The following CCDC178 variants were observed in gnomAD, a reference collection of about 807,000 sequenced individuals.
CCDC178 encodes the protein coiled-coil domain containing 178.
Under a neutral mutation model 117.4 loss-of-function variants are expected in CCDC178, and 126 were observed. The observed-to-expected ratio is 1.07, with a 90% confidence interval of 0.93 to 1.24. The LOEUF (loss-of-function observed/expected upper bound fraction) is 1.24. Ranked by LOEUF, CCDC178 falls within the 50% of genes most tolerant of loss-of-function variation. The pLI is 0.00. For missense variants in CCDC178, 1,030 were observed against 986.9 expected, an observed-to-expected ratio of 1.04 and a Z score of -0.59; for synonymous variants, 283 against 313.4, an observed-to-expected ratio of 0.90 and a Z score of 1.02.
intron 14 of CCDC178, among the ~76,000 whole-genome samples, chr18:33,254,251 AACAC>A (rs34689445): frequency 0.18 from 23,654 of 135,098 alleles, 2,003 homozygotes; most frequent in East Asian, 0.39. Flanking sequence ...TCTATTGAGA[AACAC>A]ACACACACAC....
intron 20 of CCDC178, among the ~76,000 whole-genome samples, chr18:33,200,508 C>T (rs1437588346): frequency 6.6e-6 from 1 of 152,216 alleles, no homozygotes; most frequent in Non-Finnish European, 1.5e-5. Context: ...GCCTTCATGA[C>T]ATGGTTCTTA....
intron 21 of CCDC178, among the ~76,000 whole-genome samples, chr18:33,003,700 G>T (rs1225198821): frequency 6.6e-6 from 1 of 152,018 alleles, no homozygotes; most frequent in Non-Finnish European, 1.5e-5. Context: ...AGACGAGAAA[G>T]AAATAAAGGG....
chr18:33,075,756 G>A (rs577180763), intron 21 of CCDC178, among the ~76,000 whole-genome samples: 62 of 152,108 alleles, frequency 4.1e-4, no homozygotes, highest in Middle Eastern at 3.4e-3. Flanking sequence ...ATCACTTGAG[G>A]TCAGGAGTTC....
chr18:33,171,285 C>T (rs1415389142), intron 20 of CCDC178, among the ~76,000 whole-genome samples: 2 of 152,170 alleles, frequency 1.3e-5, no homozygotes, highest in African/African-American at 2.4e-5. Context: ...TGAGATCAAA[C>T]AAACAGAAGG....
intron 15 of CCDC178, among the ~76,000 whole-genome samples, chr18:33,232,438 A>G (rs1431120182): frequency 2.0e-5 from 3 of 152,360 alleles, no homozygotes; most frequent in East Asian, 3.9e-4. Flanking sequence ...AATTTATGTT[A>G]TGTAAGGTTT....
At chr18:33,243,859 T>C (rs940558097) in intron 15 of CCDC178, among the ~76,000 whole-genome samples, 2 of 151,932 alleles carry the variant, frequency 1.3e-5, no homozygotes, top group African/African-American at 4.8e-5. Context: ...GATATCTTCA[T>C]TGATATCCTC....
intron 11 of CCDC178, among the ~76,000 whole-genome samples, chr18:33,316,607 G>A (rs1193236967): frequency 2.0e-5 from 3 of 152,150 alleles, no homozygotes; most frequent in Non-Finnish European, 4.4e-5. Flanking sequence ...ACTGGGTGAA[G>A]CCAGCTGGGC....
intron 11 of CCDC178, among the ~76,000 whole-genome samples, chr18:33,310,024 A>G (rs1428996390): frequency 6.6e-6 from 1 of 151,006 alleles, no homozygotes; most frequent in East Asian, 2.0e-4. Flanking sequence ...GCTGGAGTGC[A>G]GTGGCGCCAT....
chr18:32,948,568 TGGATA>T (rs2054407108), intron 22 of CCDC178, among the ~76,000 whole-genome samples: 2 of 152,092 alleles, frequency 1.3e-5, no homozygotes, highest in Non-Finnish European at 2.9e-5. Flanking sequence ...ATTTTCTATA[TGGATA>T]AGCATGTTAC....
chr18:33,120,336 G>T (rs1345449314), intron 20 of CCDC178, among the ~76,000 whole-genome samples: 1 of 152,078 alleles, frequency 6.6e-6, no homozygotes, highest in East Asian at 1.9e-4. Flanking sequence ...TGACTGGGCT[G>T]ATTTATTTTG....
intron 20 of CCDC178, among the ~76,000 whole-genome samples, chr18:33,204,479 C>T (rs1265116686): frequency 6.6e-6 from 1 of 151,986 alleles, no homozygotes; most frequent in Non-Finnish European, 1.5e-5. Flanking sequence ...TATTTTGTAC[C>T]AAAAACTGTT....
At chr18:33,403,992 C>T (rs2063745544) in intron 3 of CCDC178, among the ~76,000 whole-genome samples, 1 of 151,858 alleles carries the variant, frequency 6.6e-6, no homozygotes, top group African/African-American at 2.4e-5. Context: ...TTGAAATATA[C>T]CCAGAAGGTT....
chr18:33,247,013 TAAAC>T (rs888212351), intron 14 of CCDC178, among the ~76,000 whole-genome samples: 1 of 151,468 alleles, frequency 6.6e-6, no homozygotes, highest in African/African-American at 2.4e-5. Flanking sequence ...TGGAAAGAGA[TAAAC>T]AAGAAGATAT....
At chr18:33,307,630 TCAGAGACCTTCA>T (rs1274683322) in intron 11 of CCDC178, among the ~76,000 whole-genome samples, 1 of 152,170 alleles carries the variant, frequency 6.6e-6, no homozygotes, top group Non-Finnish European at 1.5e-5. Context: ...CCAGGGCATG[TCAGAGACCTTCA>T]CAGCAGCCCA....
At chr18:33,047,802 G>A (rs2056672858) in intron 21 of CCDC178, among the ~76,000 whole-genome samples, 1 of 152,118 alleles carries the variant, frequency 6.6e-6, no homozygotes, top group South Asian at 2.1e-4. Context: ...TTCTTTTGGA[G>A]TGTTCTAAGT....
intron 2 of CCDC178, among the ~76,000 whole-genome samples, chr18:33,432,885 G>C (rs1391754588): frequency 6.6e-6 from 1 of 152,074 alleles, no homozygotes; most frequent in Non-Finnish European, 1.5e-5. Context: ...TGATTAATGT[G>C]GTATTAAGGC....
rs1445511368 is a variant in CCDC178, at chr18:33,370,107, G to T, written c.291C>A (p.Asn97Lys). 6.2e-7 allele frequency: 1 copy of T among 1,605,682 alleles called. No individual in the cohort carries two copies. Among genetic ancestry groups the T allele is most frequent in the African/African-American group, 1.3e-5 (1 of 74,224 alleles). The change falls in exon 6 of 23, where the codon AAC (asparagine) becomes AAA (lysine). Residue 97 changes from asparagine (N) to lysine (K), a missense_variant. Transcript: ENST00000383096. ...AVVNIPAPCV[N>K]KMISHIQDVE... ...CATCTTGGATGTGTGAAATCATTTT[G>T]TTGACACAAGGTGCTGGAATATTTA...
At chr18:33,344,803 G>GCA (rs63067861) in intron 9 of CCDC178, among the ~76,000 whole-genome samples, 1,608 of 120,834 alleles carry the variant, frequency 0.013, 14 homozygotes, top group Middle Eastern at 0.041. Context: ...TGCCTCTAAA[G>GCA]CACACACACA....
chr18:33,091,321 A>ATTATTTTTTT (rs1415932731), intron 21 of CCDC178, among the ~76,000 whole-genome samples: 1 of 18,360 alleles, frequency 5.4e-5, no homozygotes, highest in Non-Finnish European at 1.8e-4. Context: ...CACTTATTTC[A>ATTATTTTTTT]TTCTTTTTTT....
Sources: allele counts gnomAD v4.1 joint callset (sites outside exome capture counted in the v4.1 genomes callset), GRCh38; gene constraint gnomAD v4.1.1; transcripts MANE v1.5; gene names NCBI Gene and HGNC (gene_info 2026-07-23, HGNC 2026-07-21).